The following KCTD16 variants were observed in gnomAD, a reference collection of about 807,000 sequenced individuals.
KCTD16 encodes the protein BTB/POZ domain-containing protein KCTD16.
KCTD16 carries 13 observed loss-of-function variants against 33.2 expected under a neutral mutation model. The ratio of observed to expected loss-of-function variants is 0.39; its 90% CI spans 0.25 to 0.62. The LOEUF (loss-of-function observed/expected upper bound fraction) is 0.62, where lower values mean the gene tolerates loss of function less well. Ranked by LOEUF, KCTD16 falls within the 20% of genes least tolerant of loss-of-function variation. The pLI, the probability that KCTD16 is intolerant of heterozygous loss-of-function variation, is 0.50. For missense variants in KCTD16, 441 were observed against 525.1 expected, an observed-to-expected ratio of 0.84 and a Z score of 1.57; for synonymous variants, 197 against 195.3, an observed-to-expected ratio of 1.01 and a Z score of -0.07.
chr5:144,382,585 T>C (rs777441071), intron 3 of KCTD16, among the ~76,000 whole-genome samples: 2 of 152,100 alleles, frequency 1.3e-5, no homozygotes, highest in African/African-American at 2.4e-5. Flanking sequence ...CTTTCTCCCA[T>C]ATTATATGAT....
At chr5:144,426,551 C>T (rs1477405945) in intron 3 of KCTD16, among the ~76,000 whole-genome samples, 2 of 152,054 alleles carry the variant, frequency 1.3e-5, no homozygotes, top group Non-Finnish European at 2.9e-5. Context: ...AGTATTAGCT[C>T]CATTTCTCAC....
chr5:144,457,992 G>A (rs1754108652), intron 3 of KCTD16, among the ~76,000 whole-genome samples: 1 of 152,120 alleles, frequency 6.6e-6, no homozygotes, highest in African/African-American at 2.4e-5. Flanking sequence ...TGACACACGG[G>A]GTAGTCAGAG....
chr5:144,195,718 C>G (rs1400873538), intron 2 of KCTD16, among the ~76,000 whole-genome samples: 1 of 152,166 alleles, frequency 6.6e-6, no homozygotes, highest in African/African-American at 2.4e-5. Context: ...CTGTCTGGAA[C>G]AGCTCTAAAT....
At chr5:144,458,519 T>C (rs1754123415) in intron 3 of KCTD16, among the ~76,000 whole-genome samples, 1 of 152,222 alleles carries the variant, frequency 6.6e-6, no homozygotes, top group African/African-American at 2.4e-5. Context: ...GAATGTTTAC[T>C]AACTACTCTT....
rs1385781590 is a variant in KCTD16 at position 144,171,807 on chromosome 5, A to G, written c.-493+798A>G. ...GTGGGATTTGTGTGTTGGTTCTAAA[A>G]GAAGTGAAGATTGTGAACTGATGAG... On this transcript the variant is annotated intron_variant, in intron 1 of 3. Coordinates refer to ENST00000512467, the MANE Select transcript of KCTD16 (RefSeq NM_020768.4). Among the ~76,000 whole-genome samples the G allele has an allele frequency of 2.0e-5, 3 of 152,210 alleles. No individual in the cohort carries two copies. The East Asian group carries it at 5.8e-4, about 29-fold the overall frequency.
rs1460352429 is a variant in KCTD16 at position 144,476,038 on chromosome 5, A to G, written c.*1924A>G. On this transcript the variant is annotated 3_prime_UTR_variant, in exon 4 of 4. Coordinates refer to ENST00000512467, the MANE Select transcript of KCTD16 (RefSeq NM_020768.4). ...TTTCTGTATTAATATATTAGCAGAT[A>G]TTTGGTCTTAACTACAACATAGCTT... 1 of 152,204 alleles carries G rather than the reference A, an allele frequency of 6.6e-6. No homozygotes were observed. The highest frequency in any genetic ancestry group is 1.5e-5 in the Non-Finnish European group (1 of 68,034). 9.4% of individuals were successfully genotyped at this position (152,204 alleles called of 1,614,324 possible). A position where few individuals can be genotyped will look rare whatever the true frequency, so the allele number is the denominator to read the frequency against.
chr5:144,221,779 C>A (rs775718434), intron 3 of KCTD16, among the ~76,000 whole-genome samples: 1 of 152,102 alleles, frequency 6.6e-6, no homozygotes, highest in Non-Finnish European at 1.5e-5. Flanking sequence ...TGGGTATATA[C>A]CCAGTAATGG....
intron 3 of KCTD16, among the ~76,000 whole-genome samples, chr5:144,247,756 T>A (rs75353567): frequency 0.01 from 1,530 of 152,328 alleles, 22 homozygotes; most frequent in African/African-American, 0.034. Context: ...ATGAACACAC[T>A]TAAAGCCTAG....
chr5:144,337,432 G>A (rs1752518161), intron 3 of KCTD16, among the ~76,000 whole-genome samples: 1 of 152,098 alleles, frequency 6.6e-6, no homozygotes, highest in South Asian at 2.1e-4. Flanking sequence ...CTACTAATCT[G>A]TTGGGCGTAA....
At chr5:144,328,349 T>C (rs1752263267) in intron 3 of KCTD16, among the ~76,000 whole-genome samples, 1 of 152,018 alleles carries the variant, frequency 6.6e-6, no homozygotes, top group Admixed American at 6.6e-5. Context: ...ATCTCCTCAT[T>C]AATCTTATTT....
At chr5:144,178,529 T>C (rs1752551063) in intron 2 of KCTD16, among the ~76,000 whole-genome samples, 1 of 152,186 alleles carries the variant, frequency 6.6e-6, no homozygotes, top group African/African-American at 2.4e-5. Flanking sequence ...TTTTTTCCTT[T>C]TGATTTTAGG....
chr5:144,319,617 C>T (rs1235116365), intron 3 of KCTD16, among the ~76,000 whole-genome samples: 1 of 152,182 alleles, frequency 6.6e-6, no homozygotes, highest in African/African-American at 2.4e-5. Flanking sequence ...CTTTTGTCTT[C>T]TCATCAAGAA....
intron 3 of KCTD16, among the ~76,000 whole-genome samples, chr5:144,229,710 T>TAA (rs1754041391): frequency 6.6e-6 from 1 of 152,192 alleles, no homozygotes; most frequent in Non-Finnish European, 1.5e-5. Context: ...CCACTGTGCA[T>TAA]AATGGCTCAT....
At position 144,479,925 on chromosome 5, in the gene KCTD16, T is replaced by C. The variant is rs915696011; in HGVS notation, c.*5811T>C. 2 of 151,932 alleles carry C rather than the reference T, an allele frequency of 1.3e-5. No homozygotes were observed. The highest frequency in any genetic ancestry group is 2.9e-5 in the Non-Finnish European group (2 of 67,926). The allele number at this position is 151,932 out of a possible 1,614,324, so 9.4% of individuals were successfully genotyped here. A position where few individuals can be genotyped will look rare whatever the true frequency, so the allele number is the denominator to read the frequency against. ...GTTAATCAGCTTTGTAAAACACTTA[T>C]ATGCCAACCAGAGGGTTTATTAAGT... On this transcript the variant is annotated 3_prime_UTR_variant, in exon 4 of 4. Coordinates refer to ENST00000512467, the MANE Select transcript of KCTD16 (RefSeq NM_020768.4).
intron 3 of KCTD16, among the ~76,000 whole-genome samples, chr5:144,455,060 C>T (rs1754031109): frequency 6.6e-6 from 1 of 152,008 alleles, no homozygotes; most frequent in African/African-American, 2.4e-5. Flanking sequence ...AGCTTTGGTG[C>T]TTGAGAAAGC....
chr5:144,171,302 G>A (rs1477615594), intron 1 of KCTD16, among the ~76,000 whole-genome samples: 1 of 152,180 alleles, frequency 6.6e-6, no homozygotes, highest in Non-Finnish European at 1.5e-5. Context: ...TTATCAAAGG[G>A]TGAGTGGGAG....
chr5:144,364,293 A>G (rs913273500), intron 3 of KCTD16, among the ~76,000 whole-genome samples: 2 of 152,172 alleles, frequency 1.3e-5, no homozygotes, highest in African/African-American at 2.4e-5. Context: ...GTTCCACTGG[A>G]AAGGACACAC....
intron 3 of KCTD16, among the ~76,000 whole-genome samples, chr5:144,283,537 T>G (rs1755662777): frequency 6.6e-6 from 1 of 152,224 alleles, no homozygotes; most frequent in Non-Finnish European, 1.5e-5. Flanking sequence ...GTTCTGTTAT[T>G]TTGCCTGAAG....
chr5:144,316,508 C>CTTTTTT (rs398050808), intron 3 of KCTD16, among the ~76,000 whole-genome samples: 5 of 119,956 alleles, frequency 4.2e-5, no homozygotes, highest in Non-Finnish European at 5.1e-5. Flanking sequence ...TGTTTTTTGT[C>CTTTTTT]TTTTTTTTTT....
Sources: allele counts gnomAD v4.1 joint callset (sites outside exome capture counted in the v4.1 genomes callset), GRCh38; gene constraint gnomAD v4.1.1; transcripts MANE v1.5; gene names NCBI Gene and HGNC (gene_info 2026-07-23, HGNC 2026-07-21).